The following DNAJC2 variants were observed in gnomAD, a reference collection of about 807,000 sequenced individuals.
DNAJC2 encodes dnaJ homolog subfamily C member 2.
DNAJC2 carries 32 observed loss-of-function variants against 94.0 expected under a neutral mutation model. The observed-to-expected ratio is 0.34, with a 90% CI of 0.26 to 0.46. The LOEUF is 0.46. DNAJC2 is among the 20% of genes least tolerant of loss of function. The pLI, the probability that DNAJC2 is intolerant of heterozygous loss-of-function variation, is 1.00. For synonymous variants in DNAJC2, 210 were observed against 229.7 expected, an observed-to-expected ratio of 0.91 and a Z score of 0.77; for missense variants, 550 against 719.5, an observed-to-expected ratio of 0.76 and a Z score of 2.69.
chr7:103,324,346 T>C, intron 6 of DNAJC2, 136 bp downstream of exon 6: 1 of 636,504 alleles, frequency 1.6e-6, no homozygotes, highest in Non-Finnish European at 2.3e-6. Context: ...AAATATCACA[T>C]AGGTAACAGA....
chr7:103,332,256 T>C (rs989060107), intron 3 of DNAJC2, among the ~76,000 whole-genome samples: 10 of 152,164 alleles, frequency 6.6e-5, no homozygotes, highest in East Asian at 3.9e-4. Flanking sequence ...CCGCCCGCCT[T>C]GGCCTCCCAA....
intron 12 of DNAJC2, among the ~76,000 whole-genome samples, chr7:103,318,600 A>G (rs952409082): frequency 6.6e-6 from 1 of 152,146 alleles, no homozygotes; most frequent in African/African-American, 2.4e-5. Flanking sequence ...TTGTGGTGCA[A>G]CAGCATTAGG....
chr7:103,320,106 T>A (rs1366533435), intron 10 of DNAJC2, among the ~76,000 whole-genome samples: 1 of 152,138 alleles, frequency 6.6e-6, no homozygotes, highest in Non-Finnish European at 1.5e-5. Flanking sequence ...TTTTCTTTTC[T>A]TTGAGACGGA....
intron 15 of DNAJC2, chr7:103,313,610 C>T: frequency 2.0e-6 from 2 of 983,682 alleles, no homozygotes; most frequent in Non-Finnish European, 2.4e-6. Flanking sequence ...CCCAAGGTAC[C>T]AGTGCTGGAG....
In DNAJC2 at chr7:103,323,584, AT is replaced by A; in HGVS notation, c.719+13del. ...AAATAAATACCTTCCATTATTAATG[AT>A]TTGCATACATACCATTCTGCTTTTT... On this transcript the variant is annotated intron_variant, in intron 7 of 16. Transcript: ENST00000379263. 1 of 1,451,258 alleles carries A rather than the reference AT, an allele frequency of 6.9e-7. No individual in the cohort carries two copies. The highest frequency in any genetic ancestry group is 9.2e-7 in the Non-Finnish European group (1 of 1,082,760). The allele number at this position is 1,451,258 out of a possible 1,614,324, so 89.9% of individuals were successfully genotyped here. A position where few individuals can be genotyped will look rare whatever the true frequency, so the allele number is the denominator to read the frequency against.
At chr7:103,322,879 G>A in intron 7 of DNAJC2, 85 bp from the exon 8 acceptor site, 1 of 1,041,678 alleles carries the variant, frequency 9.6e-7, no homozygotes, top group Non-Finnish European at 1.4e-6. Flanking sequence ...ATATTTATAT[G>A]TACATAACAT....
intron 5 of DNAJC2, among the ~76,000 whole-genome samples, chr7:103,325,692 T>C (rs1211828411): frequency 1.3e-5 from 2 of 152,188 alleles, no homozygotes; most frequent in Non-Finnish European, 2.9e-5. Context: ...AGATGTGCTT[T>C]AAGGGAACCT....
At chr7:103,343,101 A>G (rs1371885478) in intron 1 of DNAJC2, among the ~76,000 whole-genome samples, 3 of 148,930 alleles carry the variant, frequency 2.0e-5, no homozygotes, top group Non-Finnish European at 3.0e-5. Context: ...CCGGGTTCAA[A>G]CGATTCTTCT....
At chr7:103,333,536 A>T (rs945843564) in intron 3 of DNAJC2, among the ~76,000 whole-genome samples, 1 of 152,242 alleles carries the variant, frequency 6.6e-6, no homozygotes, top group Non-Finnish European at 1.5e-5. Context: ...AAATGCCCAG[A>T]TTTTAAGCAT....
At chr7:103,329,980 T>C (rs1474221892) in intron 3 of DNAJC2, among the ~76,000 whole-genome samples, 1 of 152,188 alleles carries the variant, frequency 6.6e-6, no homozygotes, top group Non-Finnish European at 1.5e-5. Flanking sequence ...GCAGGCTGCT[T>C]CACCCCTGGA....
intron 15 of DNAJC2, chr7:103,314,311 T>C: frequency 1.0e-6 from 1 of 984,966 alleles, no homozygotes; most frequent in Non-Finnish European, 1.2e-6. Flanking sequence ...AAAACTCCTA[T>C]GAGAAATCAC....
In DNAJC2 at chr7:103,325,498, C is replaced by G. The variant is rs565495336; in HGVS notation, c.573-936G>C. Among the ~76,000 whole-genome samples the G allele has an allele frequency of 1.3e-4, 19 of 151,076 alleles. No homozygotes were observed. In the East Asian group the frequency reaches 3.7e-3, roughly 29 times the overall value. On this transcript the variant is annotated intron_variant, in intron 5 of 16. Coordinates refer to ENST00000379263, the MANE Select transcript of DNAJC2 (RefSeq NM_014377.3). ...GTGAAATCCAAGGGAGAAAGGATGG[C>G]GGAAATACTAGGTGGCGCCAAACCG...
At chr7:103,313,916 A>C in intron 15 of DNAJC2, 2 of 985,434 alleles carry the variant, frequency 2.0e-6, no homozygotes, top group Non-Finnish European at 2.4e-6. Flanking sequence ...ATGCAGTGAC[A>C]ACACAGACTA....
At chr7:103,331,806 A>G (rs1586102722) in intron 3 of DNAJC2, among the ~76,000 whole-genome samples, 1 of 152,194 alleles carries the variant, frequency 6.6e-6, no homozygotes, top group Non-Finnish European at 1.5e-5. Flanking sequence ...CAGAGCCACA[A>G]TAAAAACATG....
At chr7:103,337,213 A>C (rs1485575384) in intron 3 of DNAJC2, 1 of 152,822 alleles carries the variant, frequency 6.5e-6, no homozygotes, top group Non-Finnish European at 1.5e-5. Context: ...ATGGTGTTTT[A>C]TAAGGCATAT....
chr7:103,323,629 A>C lies in DNAJC2; in HGVS notation c.688T>G (p.Leu230Val). The change falls in exon 7 of 17, where the codon TTA becomes GTA. Residue 230 changes from leucine to valine, a missense_variant. Leu to Val is a conservative substitution (Grantham distance 32, BLOSUM62 1). This residue lies in a region of DNAJC2 where 279 missense variants were observed against 416.9 expected (regional missense o/e 0.67). Transcript: ENST00000379263. ...NFDSWREFSYLDEEEKEKAEC... is the reference protein window; with the variant it reads ...NFDSWREFSYVDEEEKEKAEC... Reference sequence around the variant, plus strand: ...GCTTTTTCTTTTTCTTCTTCATCTAAATAAGAAAATTCTCTCCAAGAATCA... The same window carrying C: ...GCTTTTTCTTTTTCTTCTTCATCTACATAAGAAAATTCTCTCCAAGAATCA... 6.8e-7 allele frequency: 1 copy of C among 1,460,272 alleles called. No homozygotes were observed. The highest frequency in any genetic ancestry group is 9.3e-7 in the Non-Finnish European group (1 of 1,071,094). The allele number at this position is 1,460,272 out of a possible 1,614,324, so 90.5% of individuals were successfully genotyped here. A position where few individuals can be genotyped will look rare whatever the true frequency, so the allele number is the denominator to read the frequency against.
Position 103,337,742 on chromosome 7 carries a change from C to T in DNAJC2, c.325G>A (p.Ala109Thr), listed in dbSNP as rs1819229951. 1 of 1,612,614 alleles carries T rather than the reference C, an allele frequency of 6.2e-7. No individual in the cohort carries two copies. Among genetic ancestry groups the T allele is most frequent in the Non-Finnish European group, 8.5e-7 (1 of 1,178,974 alleles). Residue 109 changes from alanine (A) to threonine (T), a missense_variant, in exon 3 of 17, where the codon GCA becomes ACA. By Grantham distance (58) the Ala-to-Thr change is moderately conservative. Around this residue, in one of 2 missense-constraint regions of DNAJC2, gnomAD observed 279 missense variants for 416.9 expected, o/e 0.67. Coordinates refer to ENST00000379263, the MANE Select transcript of DNAJC2 (RefSeq NM_014377.3). ...RYKATQRQIK[A>T]AHKAMVLKHH... ...AAAATAACTAAGTACTTACGAGCTGCTTTGATCTGTCTCTGTGTAGCCTTG... is the reference window on the plus strand; with the variant it reads ...AAAATAACTAAGTACTTACGAGCTGTTTTGATCTGTCTCTGTGTAGCCTTG...
Position 103,319,821 on chromosome 7 carries a change from A to G in DNAJC2, c.1107T>C (p.Asn369=), listed in dbSNP as rs771322302. 1.2e-6 allele frequency: 2 copies of G among 1,614,180 alleles called. No homozygotes were observed. Among genetic ancestry groups the G allele is most frequent in the South Asian group, 2.2e-5 (2 of 91,084 alleles). The stretch of plus-strand genomic sequence containing the variant: ...CCATCATTTTAACCCGCTCTGCCTC[A>G]TTATCAGAAAAATGATTCCAGGTCT... ...SCKTWNHFSD[N]EAERVKMMEE... is the part of the protein sequence containing the mutation. Residue 369 remains asparagine, a synonymous_variant, in exon 11 of 17, where the codon AAT becomes AAC. Transcript: ENST00000379263.
intron 4 of DNAJC2, 138 bp downstream of exon 4, chr7:103,327,518 A>G: frequency 1.4e-6 from 1 of 710,274 alleles, no homozygotes; most frequent in African/African-American, 1.8e-5. Flanking sequence ...ATGATTAGAA[A>G]GAACTTGATA....
Sources: allele counts gnomAD v4.1 joint callset (sites outside exome capture counted in the v4.1 genomes callset), GRCh38; gene constraint gnomAD v4.1.1; regional missense constraint gnomAD v4.1.1; transcripts MANE v1.5; gene names NCBI Gene and HGNC (gene_info 2026-07-23, HGNC 2026-07-21).